The following SGIP1 variants were observed in gnomAD, a reference collection of about 807,000 sequenced individuals.
SGIP1 encodes SH3GL interacting endocytic adaptor 1, also known as SH3-containing GRB2-like protein 3-interacting protein 1.
Under a neutral mutation model 107.5 loss-of-function variants are expected in SGIP1, and 38 were observed. That is an observed-to-expected ratio of 0.35 (90% CI 0.27 to 0.46). The LOEUF is 0.46. Ranked by LOEUF, SGIP1 falls within the 20% of genes least tolerant of loss-of-function variation. The probability of loss-of-function intolerance (pLI) is 1.00; values close to 1 mark genes in which losing one functional copy is unlikely to be tolerated. For synonymous variants in SGIP1, 365 were observed against 366.1 expected, an observed-to-expected ratio of 1.00 and a Z score of 0.03; for missense variants, 929 against 1,019.5, an observed-to-expected ratio of 0.91 and a Z score of 1.21.
In SGIP1 at chr1:66,556,201, C is replaced by T. The variant is rs1004052181; in HGVS notation, c.10+21833C>T. On this transcript the variant is annotated intron_variant, in intron 1 of 24. Coordinates refer to ENST00000371037, the MANE Select transcript of SGIP1 (RefSeq NM_032291.4). ...TCAGCTCTTGCTTATTCATAATCCC[C>T]GGTGATATGCTCTACTGGCTGCTTA... Among the ~76,000 whole-genome samples, 15 of 152,240 alleles carry T rather than the reference C, an allele frequency of 9.9e-5. No individual in the cohort carries two copies. The South Asian group carries it at 1.0e-3, about 11-fold the overall frequency.
intron 7 of SGIP1, among the ~76,000 whole-genome samples, chr1:66,648,666 C>T (rs536490924): frequency 3.3e-5 from 5 of 152,184 alleles, no homozygotes; most frequent in Non-Finnish European, 5.9e-5. Context: ...GTGATAGGTT[C>T]AGTTTGCCCT....
intron 7 of SGIP1, among the ~76,000 whole-genome samples, chr1:66,659,960 AAG>A (rs770890929): frequency 2.7e-4 from 11 of 41,092 alleles, no homozygotes; most frequent in Admixed American, 3.2e-4. Context: ...AAAAGAAAGA[AAG>A]AAAGAAAGAA....
chr1:66,635,800 C>A, intron 3 of SGIP1, 144 bp from the exon 4 acceptor site: 2 of 780,686 alleles, frequency 2.6e-6, no homozygotes, highest in Non-Finnish European at 2.0e-6. Context: ...GGAACCCTGC[C>A]AAGATTGGTA....
At chr1:66,630,285 C>T (rs1380125648) in intron 2 of SGIP1, among the ~76,000 whole-genome samples, 1 of 152,176 alleles carries the variant, frequency 6.6e-6, no homozygotes, top group African/African-American at 2.4e-5. Flanking sequence ...TACCTGGATT[C>T]ACAGTGAGCA....
chr1:66,536,630 A>G (rs1044596171), intron 1 of SGIP1, among the ~76,000 whole-genome samples: 4 of 152,192 alleles, frequency 2.6e-5, no homozygotes, highest in Admixed American at 6.5e-5. Flanking sequence ...ATCTACCACA[A>G]TAACCTTGGA....
chr1:66,548,236 A>AT (rs1221791447), intron 1 of SGIP1, among the ~76,000 whole-genome samples: 1 of 151,672 alleles, frequency 6.6e-6, no homozygotes, highest in Non-Finnish European at 1.5e-5. Flanking sequence ...TTTTTATTTT[A>AT]TTTTTTTGAG....
At chr1:66,583,744 G>T (rs1336247930) in intron 1 of SGIP1, among the ~76,000 whole-genome samples, 6 of 152,032 alleles carry the variant, frequency 3.9e-5, no homozygotes, top group African/African-American at 1.4e-4. Flanking sequence ...TATTGCATTT[G>T]TTCACATAGC....
chr1:66,667,727 G>C (rs2082881766), intron 9 of SGIP1, among the ~76,000 whole-genome samples, 186 bp downstream of exon 9: 1 of 152,160 alleles, frequency 6.6e-6, no homozygotes, highest in East Asian at 1.9e-4. Context: ...AATTGTCAGA[G>C]CACTTTCCCA....
chr1:66,694,766 T>C (rs1422183812), intron 17 of SGIP1: 1 of 369,640 alleles, frequency 2.7e-6, no homozygotes, highest in Non-Finnish European at 4.8e-6. Context: ...GCTTTGTGAA[T>C]TTACAAAGGA....
intron 1 of SGIP1, among the ~76,000 whole-genome samples, chr1:66,562,383 A>G (rs1463222106): frequency 1.3e-5 from 2 of 152,154 alleles, no homozygotes; most frequent in East Asian, 1.9e-4. Flanking sequence ...AAGGGGGGAA[A>G]TTCTCTATCT....
At chr1:66,581,531 C>T (rs780281437) in intron 1 of SGIP1, among the ~76,000 whole-genome samples, 2 of 151,924 alleles carry the variant, frequency 1.3e-5, no homozygotes, top group Non-Finnish European at 2.9e-5. Flanking sequence ...TCCTAATACG[C>T]TCTGCCAATC....
rs186317964 is a variant in SGIP1 at position 66,656,105 on chromosome 1, A to C, written c.460-4408A>C. On this transcript the variant is annotated intron_variant, in intron 7 of 24. Transcript: ENST00000371037. ...ATTCTACAAGCTTTTTTCTATTAAAAATTTTTCTTTTCACTTTTTAAACTT... is the reference window on the plus strand; with the variant it reads ...ATTCTACAAGCTTTTTTCTATTAAACATTTTTCTTTTCACTTTTTAAACTT... Among the ~76,000 whole-genome samples the C allele has an allele frequency of 3.9e-5, 6 of 152,236 alleles. No homozygotes were observed. In the East Asian group the frequency reaches 1.2e-3, roughly 29 times the overall value.
intron 18 of SGIP1, among the ~76,000 whole-genome samples, chr1:66,714,169 C>A (rs1297754992): frequency 6.6e-6 from 1 of 152,106 alleles, no homozygotes; most frequent in Non-Finnish European, 1.5e-5. Flanking sequence ...TTGATGTTCA[C>A]CATGCGCCTT....
chr1:66,557,728 G>A (rs1468459208), intron 1 of SGIP1, among the ~76,000 whole-genome samples: 1 of 152,116 alleles, frequency 6.6e-6, no homozygotes, highest in Non-Finnish European at 1.5e-5. Context: ...GCAAAATAAT[G>A]TCCCAACCAG....
chr1:66,684,173 T>C lies in SGIP1; in HGVS notation c.1315+1804T>C, dbSNP rs1315721977. 10 of 1,550,628 alleles carry C rather than the reference T, an allele frequency of 6.4e-6. No individual in the cohort carries two copies. The East Asian group carries it at 7.3e-5, about 11-fold the overall frequency. ...AGTTTACAAGCTGGAGGCAATGAAC[T>C]GGATTCATACTCAGGTCTGTCTGAG... On this transcript the variant is annotated intron_variant, in intron 15 of 24. Transcript: ENST00000371037.
At chr1:66,587,607 T>A (rs1180575903) in intron 1 of SGIP1, among the ~76,000 whole-genome samples, 1 of 152,134 alleles carries the variant, frequency 6.6e-6, no homozygotes, top group Non-Finnish European at 1.5e-5. Flanking sequence ...AGGCTTATTA[T>A]TGCTTAATCC....
At chr1:66,710,045 A>T (rs2092806822) in intron 18 of SGIP1, among the ~76,000 whole-genome samples, 1 of 151,884 alleles carries the variant, frequency 6.6e-6, no homozygotes, top group Non-Finnish European at 1.5e-5. Flanking sequence ...ATATTCCAAG[A>T]TTTAGAGAAA....
At chr1:66,636,968 A>G (rs2075896239) in intron 4 of SGIP1, among the ~76,000 whole-genome samples, 1 of 152,178 alleles carries the variant, frequency 6.6e-6, no homozygotes, top group Non-Finnish European at 1.5e-5. Context: ...TGTGAGTCTC[A>G]GTTATCTTTA....
intron 19 of SGIP1, among the ~76,000 whole-genome samples, chr1:66,720,973 T>C (rs1211703320): frequency 6.6e-6 from 1 of 152,150 alleles, no homozygotes; most frequent in Non-Finnish European, 1.5e-5. Context: ...ATACAATTAG[T>C]AACTCCACCT....
Sources: gnomAD v4.1 joint callset for allele counts (sites outside exome capture counted in the v4.1 genomes callset) on GRCh38, gnomAD v4.1.1 for gene constraint, MANE v1.5 for transcripts, NCBI Gene and HGNC (gene_info 2026-07-23, HGNC 2026-07-21) for gene names.